Variants in CWF19L2 observed in about 807,000 individuals in gnomAD.
CWF19L2 encodes CWF19-like protein 2.
CWF19L2 carries 98 observed loss-of-function variants against 111.7 expected under a neutral mutation model. That is an observed-to-expected ratio of 0.88 (90% confidence interval 0.75 to 1.04). The LOEUF is 1.04. Ranked by LOEUF, CWF19L2 falls within the 50% of genes least tolerant of loss-of-function variation. CWF19L2 has a pLI of 0.00. For missense variants in CWF19L2, 1,101 were observed against 1,051.4 expected (o/e 1.05, Z -0.65); for synonymous variants, 351 against 342.9 (o/e 1.02, Z -0.26).
chr11:107,353,069 C>T (rs1178666734), intron 13 of CWF19L2, among the ~76,000 whole-genome samples: 1 of 152,086 alleles, frequency 6.6e-6, no homozygotes, highest in African/African-American at 2.4e-5. Context: ...TTCCAGACTA[C>T]CTTGTGAAAA....
intron 10 of CWF19L2, among the ~76,000 whole-genome samples, chr11:107,409,911 A>G (rs537840015): frequency 4.6e-5 from 7 of 152,284 alleles, no homozygotes; most frequent in African/African-American, 1.7e-4. Context: ...GTCATCTACA[A>G]GATGTCAAGT....
At chr11:107,346,088 TG>T (rs1407577591) in intron 14 of CWF19L2, among the ~76,000 whole-genome samples, 98 of 152,282 alleles carry the variant, frequency 6.4e-4, no homozygotes, top group Middle Eastern at 6.8e-3. Flanking sequence ...TGCACAATGT[TG>T]CAGGTCCTTT....
chr11:107,396,333 G>A (rs1257720037), intron 10 of CWF19L2, among the ~76,000 whole-genome samples: 1 of 152,096 alleles, frequency 6.6e-6, no homozygotes. Context: ...GTTTGCTCTG[G>A]AGGACTTTTT....
At chr11:107,448,329 G>A (rs1413170020) in intron 3 of CWF19L2, among the ~76,000 whole-genome samples, 1 of 120,070 alleles carries the variant, frequency 8.3e-6, no homozygotes, top group East Asian at 2.7e-4. Flanking sequence ...TGGCAACAGA[G>A]CGAGACTCCG....
Position 107,455,778 on chromosome 11 carries a change from T to C in CWF19L2, c.106-2A>G, listed in dbSNP as rs1301034739. On this transcript the variant is annotated splice_acceptor_variant, in intron 1 of 17. Coordinates refer to ENST00000282251, the MANE Select transcript of CWF19L2 (RefSeq NM_152434.3). LOFTEE classifies it high-confidence loss of function. The stretch of plus-strand genomic sequence containing the variant: ...TTCTTTTTCAAAATTGGCTTTAGCC[T>C]ACAACCAAAGAAAAAAAAAAGACAA... The C allele has an allele frequency of 6.5e-7, 1 of 1,532,224 alleles. No individual in the cohort carries two copies. Among genetic ancestry groups the C allele is most frequent in the Non-Finnish European group, 8.8e-7 (1 of 1,136,016 alleles). The allele number at this position is 1,532,224 out of a possible 1,614,324, so 94.9% of individuals were successfully genotyped here.
At chr11:107,362,836 G>A (rs919176175) in intron 12 of CWF19L2, among the ~76,000 whole-genome samples, 10 of 151,928 alleles carry the variant, frequency 6.6e-5, no homozygotes, top group African/African-American at 1.7e-4. Flanking sequence ...TGACTTTGAC[G>A]AGCTGAGAGA....
intron 12 of CWF19L2, among the ~76,000 whole-genome samples, chr11:107,386,307 C>T (rs998422082): frequency 6.6e-6 from 1 of 152,116 alleles, no homozygotes; most frequent in Non-Finnish European, 1.5e-5. Flanking sequence ...AGCCGCCACT[C>T]CTGTTCATTT....
In CWF19L2 at chr11:107,432,834, G is replaced by T. The variant is rs568782264; in HGVS notation, c.780+800C>A. 3.9e-5 allele frequency among the ~76,000 whole-genome samples: 6 copies of T among 152,136 alleles called. No individual in the cohort carries two copies. The South Asian group carries it at 1.0e-3, about 26-fold the overall frequency. Reference sequence around the variant, plus strand: ...TTCACTTTTAGTAATTCACCAACAAGAAAAATATGCAAAATGCATTGGGCA... The same window carrying T: ...TTCACTTTTAGTAATTCACCAACAATAAAAATATGCAAAATGCATTGGGCA... On this transcript the variant is annotated intron_variant, in intron 7 of 17. Transcript: ENST00000282251.
intron 3 of CWF19L2, among the ~76,000 whole-genome samples, chr11:107,449,137 C>CAA (rs34294840): frequency 7.0e-5 from 6 of 85,828 alleles, no homozygotes; most frequent in East Asian, 9.1e-4. Context: ...TTTTACAGTG[C>CAA]AAAAAAAAAA....
At chr11:107,330,218 C>T (rs1859825165) in intron 16 of CWF19L2, among the ~76,000 whole-genome samples, 199 bp from the exon 17 acceptor site, 2 of 152,124 alleles carry the variant, frequency 1.3e-5, no homozygotes, top group Admixed American at 1.3e-4. Context: ...AGCCTTTCAG[C>T]CAGATAGTTC....
chr11:107,452,216 T>C (rs1466259685), intron 3 of CWF19L2, among the ~76,000 whole-genome samples: 13 of 152,186 alleles, frequency 8.5e-5, no homozygotes, highest in Admixed American at 8.5e-4. Flanking sequence ...AACACTAGTA[T>C]TAGTAATTTT....
At chr11:107,399,072 CAA>C (rs961861773) in intron 10 of CWF19L2, among the ~76,000 whole-genome samples, 1 of 152,026 alleles carries the variant, frequency 6.6e-6, no homozygotes, top group African/African-American at 2.4e-5. Context: ...AATCTTGAAA[CAA>C]ATCTTTTACA....
chr11:107,367,107 C>T lies in CWF19L2; in HGVS notation c.1873-13371G>A, dbSNP rs1860441890. On this transcript the variant is annotated intron_variant, in intron 12 of 17. Coordinates refer to ENST00000282251, the MANE Select transcript of CWF19L2 (RefSeq NM_152434.3). The stretch of plus-strand genomic sequence containing the variant: ...ATCATCACTGGCCATCAGAGAAATG[C>T]AAATCAAAACCACAACGAGATACCA... Among the ~76,000 whole-genome samples, 4 of 114,784 alleles carry T rather than the reference C, an allele frequency of 3.5e-5. 2 individuals carry two copies. The Admixed American group carries it at 3.5e-4, about 10-fold the overall frequency. 75.3% of individuals were successfully genotyped at this position (114,784 alleles called of 152,430 possible). A position where few individuals can be genotyped will look rare whatever the true frequency, so the allele number is the denominator to read the frequency against.
At chr11:107,357,159 G>A (rs566123694) in intron 12 of CWF19L2, among the ~76,000 whole-genome samples, 1 of 152,296 alleles carries the variant, frequency 6.6e-6, no homozygotes, top group East Asian at 1.9e-4. Flanking sequence ...AAAACTGGTT[G>A]GTCTGAATAC....
intron 8 of CWF19L2, among the ~76,000 whole-genome samples, chr11:107,423,874 AACG>A (rs771761978): frequency 9.3e-5 from 14 of 151,298 alleles, no homozygotes; most frequent in Non-Finnish European, 1.5e-4. Context: ...TATTAACACA[AACG>A]ACTACATCAA....
At chr11:107,381,081 G>A (rs912334031) in intron 12 of CWF19L2, among the ~76,000 whole-genome samples, 39 of 152,162 alleles carry the variant, frequency 2.6e-4, no homozygotes, top group African/African-American at 8.9e-4. Flanking sequence ...AGGACAGTGG[G>A]AAGGAGAACT....
intron 12 of CWF19L2, among the ~76,000 whole-genome samples, chr11:107,368,600 G>C (rs958036214): frequency 7.3e-6 from 1 of 137,894 alleles, no homozygotes; most frequent in South Asian, 2.5e-4. Flanking sequence ...CTGATGATGT[G>C]TGAGGTGCCA....
At chr11:107,340,342 T>A (rs774836895) in intron 14 of CWF19L2, among the ~76,000 whole-genome samples, 2 of 152,162 alleles carry the variant, frequency 1.3e-5, no homozygotes, top group Non-Finnish European at 2.9e-5. Flanking sequence ...AATATTTATA[T>A]AAGGTATGAG....
intron 10 of CWF19L2, chr11:107,404,267 G>A: frequency 1.3e-6 from 1 of 779,190 alleles, no homozygotes; most frequent in Non-Finnish European, 2.4e-6. Context: ...TTCTTCATCA[G>A]TGAGATCTCG....
Sources: allele counts gnomAD v4.1 joint callset (sites outside exome capture counted in the v4.1 genomes callset), GRCh38; gene constraint gnomAD v4.1.1; transcripts MANE v1.5; gene names NCBI Gene and HGNC (gene_info 2026-07-23, HGNC 2026-07-21).